The following DTD1 variants were observed in gnomAD, a reference collection of about 807,000 sequenced individuals.
DTD1 encodes the protein D-aminoacyl-tRNA deacylase 1, also known as D-tyrosyl-tRNA deacylase 1 homolog.
DTD1 carries 13 observed loss-of-function variants against 25.6 expected under a neutral mutation model. The ratio of observed to expected loss-of-function variants is 0.51; its 90% CI spans 0.33 to 0.81. The LOEUF (loss-of-function observed/expected upper bound fraction) is 0.81. Among genes scored for constraint, DTD1 ranks in the 30% least tolerant of loss-of-function variants. DTD1 has a pLI of 0.02. For synonymous variants in DTD1, 110 were observed against 103.6 expected (o/e 1.06, Z -0.37); for missense variants, 193 against 266.4 (o/e 0.72, Z 1.92).
Position 18,753,607 on chromosome 20 carries a change from C to CAAAAAAAAAAAAAAAAAAA in DTD1, c.*19+9351_*19+9352insAAAAAAAAAAAAAAAAAAA, listed in dbSNP as rs58081760. ...TGGGCAATGAAGCGAAACTCTGTCT[C>CAAAAAAAAAAAAAAAAAAA]AAAAAAAAAAAAAAAGACGTTGATA... On this transcript the variant is annotated intron_variant, in intron 5 of 5. Transcript: ENST00000377452. Among the ~76,000 whole-genome samples, 27 of 65,342 alleles carry CAAAAAAAAAAAAAAAAAAA rather than the reference C, an allele frequency of 4.1e-4. 2 individuals are homozygous for CAAAAAAAAAAAAAAAAAAA. Among genetic ancestry groups the CAAAAAAAAAAAAAAAAAAA allele is most frequent in the African/African-American group, 1.5e-3 (24 of 15,740 alleles). 42.9% of individuals were successfully genotyped at this position (65,342 alleles called of 152,430 possible).
chr20:18,726,698 G>A (rs1374353268), intron 4 of DTD1, among the ~76,000 whole-genome samples: 4 of 152,186 alleles, frequency 2.6e-5, no homozygotes, highest in African/African-American at 9.7e-5. Context: ...AGTCCTGGGG[G>A]TTTTGATACC....
intron 4 of DTD1, among the ~76,000 whole-genome samples, chr20:18,669,142 T>C (rs931249873): frequency 1.4e-5 from 2 of 139,544 alleles, no homozygotes; most frequent in Admixed American, 1.4e-4. Context: ...CATGAGCTGC[T>C]GTTTGACATG....
intron 3 of DTD1, among the ~76,000 whole-genome samples, chr20:18,608,585 C>G (rs979601629): frequency 2.6e-5 from 4 of 152,164 alleles, no homozygotes; most frequent in Non-Finnish European, 4.4e-5. Flanking sequence ...ACATTTAGTG[C>G]TATAAGTTTC....
At chr20:18,681,142 A>T (rs1226568316) in intron 4 of DTD1, among the ~76,000 whole-genome samples, 1 of 152,150 alleles carries the variant, frequency 6.6e-6, no homozygotes, top group Non-Finnish European at 1.5e-5. Context: ...TATCTGAGTT[A>T]GCCAGGGTTA....
At chr20:18,720,766 G>C (rs532323039) in intron 4 of DTD1, among the ~76,000 whole-genome samples, 2 of 152,276 alleles carry the variant, frequency 1.3e-5, no homozygotes, top group African/African-American at 2.4e-5. Flanking sequence ...GCTGAGGTGG[G>C]AGGATTGCCT....
intron 4 of DTD1, among the ~76,000 whole-genome samples, chr20:18,714,708 G>A (rs530035721): frequency 2.0e-5 from 3 of 152,258 alleles, no homozygotes; most frequent in Non-Finnish European, 4.4e-5. Context: ...TTCTCTTGGT[G>A]TCTTTCTCAG....
At chr20:18,724,299 G>A (rs1315542079) in intron 4 of DTD1, among the ~76,000 whole-genome samples, 1 of 151,214 alleles carries the variant, frequency 6.6e-6, no homozygotes, top group African/African-American at 2.5e-5. Flanking sequence ...GTAGGCACAT[G>A]GGTACCTCCC....
At chr20:18,652,428 G>A (rs1264473530) in intron 4 of DTD1, among the ~76,000 whole-genome samples, 1 of 152,198 alleles carries the variant, frequency 6.6e-6, no homozygotes, top group African/African-American at 2.4e-5. Flanking sequence ...ACTTTCTGGT[G>A]CGTACTTGGC....
chr20:18,588,414 G>A (rs2060574952), intron 1 of DTD1, among the ~76,000 whole-genome samples: 1 of 152,214 alleles, frequency 6.6e-6, no homozygotes, highest in South Asian at 2.1e-4. Context: ...TCCTGCGTGC[G>A]GGATGGCGGA....
chr20:18,629,580 GGCAA>G (rs1403334351), intron 4 of DTD1, among the ~76,000 whole-genome samples: 47 of 152,116 alleles, frequency 3.1e-4, no homozygotes, highest in Non-Finnish European at 4.7e-4. Flanking sequence ...TGAGATTACA[GGCAA>G]GAGTCACCAT....
At chr20:18,721,576 G>A (rs2061203741) in intron 4 of DTD1, among the ~76,000 whole-genome samples, 3 of 152,250 alleles carry the variant, frequency 2.0e-5, no homozygotes, top group South Asian at 4.2e-4. Context: ...AAATTAATGA[G>A]TTGGGAGGAT....
At chr20:18,594,721 T>C (rs1247493518) in intron 2 of DTD1, among the ~76,000 whole-genome samples, 1 of 152,240 alleles carries the variant, frequency 6.6e-6, no homozygotes, top group African/African-American at 2.4e-5. Flanking sequence ...CATTCAATAC[T>C]ATTTCAGTGA....
At chr20:18,682,394 G>A (rs118139612) in intron 4 of DTD1, among the ~76,000 whole-genome samples, 2 of 152,192 alleles carry the variant, frequency 1.3e-5, no homozygotes, top group East Asian at 1.9e-4. Context: ...TCCCAGATGG[G>A]CACAGTATCT....
At chr20:18,720,643 C>T (rs2122491662) in intron 4 of DTD1, among the ~76,000 whole-genome samples, 1 of 152,200 alleles carries the variant, frequency 6.6e-6, no homozygotes, top group South Asian at 2.1e-4. Context: ...TTGCTTGAGT[C>T]CGGGAGTTTG....
chr20:18,632,222 CTTATAAGGATTAAAAAAGACTT>C, intron 4 of DTD1: 1 of 985,392 alleles, frequency 1.0e-6, no homozygotes, highest in Non-Finnish European at 1.2e-6. Context: ...GCCATGTTAA[CTTATAAGGATTAAAAAAGACTT>C]TTAGTTATTT....
At chr20:18,760,162 T>C (rs2061355721) in intron 5 of DTD1, among the ~76,000 whole-genome samples, 1 of 152,236 alleles carries the variant, frequency 6.6e-6, no homozygotes, top group Non-Finnish European at 1.5e-5. Flanking sequence ...GTTTTTATCT[T>C]CTTTGCCATG....
At chr20:18,699,469 C>T (rs769468270) in intron 4 of DTD1, among the ~76,000 whole-genome samples, 2 of 152,264 alleles carry the variant, frequency 1.3e-5, no homozygotes, top group South Asian at 2.1e-4. Flanking sequence ...GGGGTTTTCG[C>T]GTGATGCCAG....
At chr20:18,611,060 T>C (rs544897821) in intron 3 of DTD1, 4 of 152,370 alleles carry the variant, frequency 2.6e-5, no homozygotes, top group African/African-American at 9.6e-5. Context: ...AAATCATGGT[T>C]AGATGCTACG....
At chr20:18,615,098 T>C (rs1024960202) in intron 3 of DTD1, among the ~76,000 whole-genome samples, 6 of 152,156 alleles carry the variant, frequency 3.9e-5, no homozygotes, top group Admixed American at 3.9e-4. Flanking sequence ...GCTGATCCCT[T>C]CAGACCAGGC....
Sources: gnomAD v4.1 joint callset for allele counts (sites outside exome capture counted in the v4.1 genomes callset) on GRCh38, gnomAD v4.1.1 for gene constraint, MANE v1.5 for transcripts, NCBI Gene and HGNC (gene_info 2026-07-23, HGNC 2026-07-21) for gene names.